The following GSTO1 variants were observed in gnomAD, a reference collection of about 807,000 sequenced individuals.
GSTO1 encodes the protein glutathione S-transferase omega-1.
A neutral mutation model predicts 23.8 loss-of-function variants in GSTO1; 27 were observed. The ratio of observed to expected loss-of-function variants is 1.13; its 90% CI spans 0.83 to 1.56. GSTO1 has a LOEUF of 1.56. Among genes scored for constraint, GSTO1 ranks in the 40% most tolerant of loss-of-function variants. The pLI is 0.00. For missense variants in GSTO1, 255 were observed against 285.8 expected (o/e 0.89, Z 0.78); for synonymous variants, 105 against 109.3 (o/e 0.96, Z 0.25).
chr10:104,263,017 TAAAG>T lies in GSTO1; in HGVS notation c.408_411del (p.Glu137ThrfsTer5), dbSNP rs750494494. 1.3e-6 allele frequency: 2 copies of T among 1,551,102 alleles called. No individual in the cohort carries two copies. Among genetic ancestry groups the T allele is most frequent in the Non-Finnish European group, 1.8e-6 (2 of 1,124,684 alleles). ...TAGGAAGCTTTATTAGAAGCCAAAA[TAAAG>T]AAGACTATGCTGGCCTAAAAGAAGA... On this transcript the variant is annotated frameshift_variant, in exon 4 of 6. Coordinates refer to ENST00000369713, the MANE Select transcript of GSTO1 (RefSeq NM_004832.3). LOFTEE classifies it high-confidence loss of function.
At chr10:104,259,532 A>G in intron 2 of GSTO1, 44 bp from the exon 3 acceptor site, 1 of 1,304,580 alleles carries the variant, frequency 7.7e-7, no homozygotes, top group Non-Finnish European at 1.1e-6. Flanking sequence ...CCAAAAGCAC[A>G]AAAGTTGTTT....
intron 5 of GSTO1, 139 bp from the exon 6 acceptor site, chr10:104,267,113 A>G (rs760186839): frequency 5.5e-6 from 3 of 547,484 alleles, no homozygotes; most frequent in Non-Finnish European, 9.5e-6. Flanking sequence ...ATATTCTATT[A>G]CAGGCATTTT....
intron 3 of GSTO1, 114 bp from the exon 4 acceptor site, chr10:104,262,865 G>A (rs1282618720): frequency 1.8e-6 from 1 of 552,554 alleles, no homozygotes; most frequent in African/African-American, 1.9e-5. Context: ...TGCACCCTTG[G>A]TGTTTCTAGA....
chr10:104,267,091 C>T (rs1315677037), intron 5 of GSTO1, among the ~76,000 whole-genome samples, 161 bp from the exon 6 acceptor site: 2 of 152,254 alleles, frequency 1.3e-5, no homozygotes, highest in African/African-American at 2.4e-5. Flanking sequence ...TCTATAGTGT[C>T]TTTCAAATTG....
upstream of GSTO1, chr10:104,254,469 C>T (rs2091591517): frequency 5.5e-6 from 1 of 181,208 alleles, no homozygotes; most frequent in Admixed American, 5.7e-5. Context: ...ACAAGCTGAA[C>T]AGGAGCCTTT....
At chr10:104,257,318 T>C (rs2011104965) in intron 2 of GSTO1, among the ~76,000 whole-genome samples, 1 of 151,906 alleles carries the variant, frequency 6.6e-6, no homozygotes, top group Non-Finnish European at 1.5e-5. Context: ...GGAGATTTAA[T>C]CTGAAAGCTT....
intron 2 of GSTO1, among the ~76,000 whole-genome samples, chr10:104,257,200 A>G (rs911130749): frequency 2.1e-4 from 32 of 152,138 alleles, no homozygotes; most frequent in African/African-American, 7.5e-4. Context: ...AACATACAAG[A>G]TAGACCTAAA....
At chr10:104,266,420 T>C (rs544472546) in intron 5 of GSTO1, among the ~76,000 whole-genome samples, 1 of 152,326 alleles carries the variant, frequency 6.6e-6, no homozygotes, top group South Asian at 2.1e-4. Context: ...TGCTTTAAAA[T>C]TTATTCCTTC....
At chr10:104,259,217 G>A (rs1310092884) in intron 2 of GSTO1, among the ~76,000 whole-genome samples, 1 of 152,194 alleles carries the variant, frequency 6.6e-6, no homozygotes. Flanking sequence ...CTGCAGCACT[G>A]TTCACAACAG....
At chr10:104,258,538 C>A (rs2011112053) in intron 2 of GSTO1, among the ~76,000 whole-genome samples, 1 of 152,158 alleles carries the variant, frequency 6.6e-6, no homozygotes, top group Non-Finnish European at 1.5e-5. Context: ...CTCTACAACT[C>A]AACAACAAAA....
At chr10:104,265,767 G>A (rs530245232) in intron 4 of GSTO1, among the ~76,000 whole-genome samples, 5 of 152,234 alleles carry the variant, frequency 3.3e-5, no homozygotes, top group Admixed American at 1.3e-4. Context: ...CCAATGGGTC[G>A]TTTGCTATTT....
intron 4 of GSTO1, among the ~76,000 whole-genome samples, chr10:104,263,709 A>G (rs909842950): frequency 8.5e-5 from 13 of 152,202 alleles, no homozygotes; most frequent in African/African-American, 2.9e-4. Context: ...GCATTTTAAC[A>G]TTTTATCAGT....
chr10:104,262,612 G>A lies in GSTO1; in HGVS notation c.367-367G>A, dbSNP rs183674963. 1.3e-3 allele frequency among the ~76,000 whole-genome samples: 201 copies of A among 152,280 alleles called. 2 individuals are homozygous for A. The highest frequency in any genetic ancestry group is 4.5e-3 in the African/African-American group (189 of 41,554). On this transcript the variant is annotated intron_variant, in intron 3 of 5. Transcript: ENST00000369713. ...CCATAATCTCAGCTACTAAGGAGGC[G>A]GAGACAGGAGAATTGCTTGAGCCCG...
chr10:104,264,572 T>A (rs2011163996), intron 4 of GSTO1, among the ~76,000 whole-genome samples: 1 of 152,250 alleles, frequency 6.6e-6, no homozygotes, highest in Admixed American at 6.5e-5. Flanking sequence ...AATTTGTGTT[T>A]TGTTTTCAAA....
intron 4 of GSTO1, among the ~76,000 whole-genome samples, chr10:104,264,635 T>G (rs1471987426): frequency 6.6e-6 from 1 of 152,240 alleles, no homozygotes. Context: ...ATATTTTAAG[T>G]ACAAATGCTT....
At position 104,263,068 on chromosome 10, in the gene GSTO1, G is replaced by A. The variant is rs1403210320; in HGVS notation, c.456G>A (p.Lys152=). Residue 152 remains lysine (K), a synonymous_variant, in exon 4 of 6, where the codon AAG becomes AAA. Coordinates refer to ENST00000369713, the MANE Select transcript of GSTO1 (RefSeq NM_004832.3). Reference sequence around the variant, plus strand: ...AAGAATTTCGTAAAGAATTTACCAAGCTAGAGGAGGTAATTATTTCTCCTA... The same window carrying A: ...AAGAATTTCGTAAAGAATTTACCAAACTAGAGGAGGTAATTATTTCTCCTA... The part of the protein sequence containing the change: ...LKEEFRKEFT[K]LEEVLTNKKT... 2 of 1,336,056 alleles carry A rather than the reference G, an allele frequency of 1.5e-6. No homozygotes were observed. The highest frequency in any genetic ancestry group is 1.8e-5 in the Admixed American group (1 of 55,956). The allele number at this position is 1,336,056 out of a possible 1,614,324, so 82.8% of individuals were successfully genotyped here.
chr10:104,264,674 A>T (rs2011164826), intron 4 of GSTO1, among the ~76,000 whole-genome samples: 1 of 152,214 alleles, frequency 6.6e-6, no homozygotes, highest in African/African-American at 2.4e-5. Flanking sequence ...TACATCCAAT[A>T]AACCCACCGT....
At position 104,262,860 on chromosome 10, in the gene GSTO1, C is replaced by G. The variant is rs2032638825; in HGVS notation, c.367-119C>G. The stretch of plus-strand genomic sequence containing the variant: ...CTGTGAGCGCAGGAACTTGATGCAC[C>G]CTTGGTGTTTCTAGAACACCTTGAC... On this transcript the variant is annotated intron_variant, in intron 3 of 5. Transcript: ENST00000369713. 7.3e-6 allele frequency: 4 copies of G among 548,012 alleles called. No individual in the cohort carries two copies. The South Asian group carries it at 1.0e-4, about 14-fold the overall frequency. The allele number at this position is 548,012 out of a possible 1,614,324, so 33.9% of individuals were successfully genotyped here.
chr10:104,266,103 C>T lies in GSTO1; in HGVS notation c.485C>T (p.Thr162Met), dbSNP rs369551343. ...KLEEVLTNKK[T>M]TFFGGNSISM... Reference sequence around the variant, plus strand: ...GTTCAGGTTCTGACTAATAAGAAGACGACCTTCTTTGGTGGCAATTCTATC... The same window carrying T: ...GTTCAGGTTCTGACTAATAAGAAGATGACCTTCTTTGGTGGCAATTCTATC... Residue 162 changes from threonine (T) to methionine (M), a missense_variant, in exon 5 of 6, where the codon ACG becomes ATG. Physicochemically the swap from Thr to Met is moderately conservative, Grantham distance 81 (BLOSUM62 -1). Transcript: ENST00000369713. The T allele has an allele frequency of 1.4e-5, 22 of 1,595,856 alleles. No homozygotes were observed. In the Middle Eastern group the frequency reaches 5.0e-4, roughly 36 times the overall value.
Sources: allele counts gnomAD v4.1 joint callset (sites outside exome capture counted in the v4.1 genomes callset), GRCh38; gene constraint gnomAD v4.1.1; transcripts MANE v1.5; gene names NCBI Gene and HGNC (gene_info 2026-07-23, HGNC 2026-07-21).